INTS4: variants seen among roughly 807,000 people sequenced by gnomAD.
The protein encoded by INTS4 is integrator complex subunit 4, also known as MSTP093.
In INTS4, 70 loss-of-function variants were observed where a neutral mutation model predicts 119.5. That is an observed-to-expected ratio of 0.59 (90% CI 0.48 to 0.71). The LOEUF (loss-of-function observed/expected upper bound fraction) is 0.71. INTS4 is among the 30% of genes least tolerant of loss of function. The pLI is 0.00. For missense variants in INTS4, 867 were observed against 1,173.2 expected (o/e 0.74, Z 3.81); for synonymous variants, 316 against 419.6 (o/e 0.75, Z 3.02).
chr11:77,985,077 A>G (rs1289667316), intron 2 of INTS4, among the ~76,000 whole-genome samples: 1 of 152,050 alleles, frequency 6.6e-6, no homozygotes, highest in African/African-American at 2.4e-5. Context: ...AAACAGAATT[A>G]CCTCCAGGGA....
intron 8 of INTS4, among the ~76,000 whole-genome samples, chr11:77,944,798 G>A (rs1011926659): frequency 2.6e-5 from 4 of 152,094 alleles, no homozygotes; most frequent in African/African-American, 9.7e-5. Flanking sequence ...TTTCAGATTT[G>A]GGATGCCCAA....
Position 77,903,602 on chromosome 11 carries a change from A to G in INTS4, c.2035T>C (p.Trp679Arg). ...AAATACAAAGGGGCAGCTACATTCC[A>G]CAACTTTTCCTGCAAGGCCTACGCA... ...LLIKALQEKL[W>R]NVAAPLYLKQ... The change falls in exon 17 of 23, where the codon TGG becomes CGG. Residue 679 changes from tryptophan (W) to arginine (R), a missense_variant. Around this residue, in one of 5 missense-constraint regions of INTS4, gnomAD observed 262 missense variants for 376.0 expected, o/e 0.70. Coordinates refer to ENST00000534064, the MANE Select transcript of INTS4 (RefSeq NM_033547.4). 1 of 1,613,788 alleles carries G rather than the reference A, an allele frequency of 6.2e-7. No homozygotes were observed. Among genetic ancestry groups the G allele is most frequent in the East Asian group, 2.2e-5 (1 of 44,888 alleles).
At chr11:77,987,536 A>G (rs1350573520) in intron 2 of INTS4, 16 of 392,970 alleles carry the variant, frequency 4.1e-5, no homozygotes, top group Non-Finnish European at 8.2e-5. Context: ...AACGGAAAAT[A>G]GATCACTGAG....
intron 8 of INTS4, among the ~76,000 whole-genome samples, chr11:77,953,262 T>G (rs563103445): frequency 6.6e-6 from 1 of 152,068 alleles, no homozygotes; most frequent in Non-Finnish European, 1.5e-5. Flanking sequence ...AGGGGAAGTG[T>G]CCAAAAAGAA....
intron 16 of INTS4, among the ~76,000 whole-genome samples, chr11:77,903,882 A>T (rs1952858259): frequency 6.6e-6 from 1 of 152,176 alleles, no homozygotes; most frequent in Non-Finnish European, 1.5e-5. Flanking sequence ...GAAGCAGAGG[A>T]CAGGAACCAC....
At chr11:77,975,861 CAGG>C (rs1481067872) in intron 4 of INTS4, among the ~76,000 whole-genome samples, 2 of 151,758 alleles carry the variant, frequency 1.3e-5, no homozygotes, top group Admixed American at 1.3e-4. Flanking sequence ...GAGGCTGAGG[CAGG>C]AGAATTGCCT....
rs376088438 is a variant in INTS4 at position 77,963,872 on chromosome 11, A to G, written c.472-2734T>C. 2.5e-4 allele frequency among the ~76,000 whole-genome samples: 38 copies of G among 152,250 alleles called. No homozygotes were observed. In the East Asian group the frequency reaches 3.1e-3, roughly 12 times the overall value. On this transcript the variant is annotated intron_variant, in intron 4 of 22. Coordinates refer to ENST00000534064, the MANE Select transcript of INTS4 (RefSeq NM_033547.4). Reference sequence around the variant, plus strand: ...GCTAATTTTTAAAATTTTTGTAGAGATGGGATGTTGCCACATTGCCCAGAC... The same window carrying G: ...GCTAATTTTTAAAATTTTTGTAGAGGTGGGATGTTGCCACATTGCCCAGAC...
chr11:77,899,687 A>G, intron 18 of INTS4, among the ~76,000 whole-genome samples: 1 of 152,112 alleles, frequency 6.6e-6, no homozygotes, highest in Admixed American at 6.6e-5. Flanking sequence ...AAAAAAAAGA[A>G]AAATATAAAA....
chr11:77,878,231 A>T (rs553066289), downstream of INTS4, among the ~76,000 whole-genome samples: 1 of 152,036 alleles, frequency 6.6e-6, no homozygotes, highest in African/African-American at 2.4e-5. Flanking sequence ...GCGTGGTGAC[A>T]GGCGCCTGTA....
rs752219202 is a variant in INTS4 at position 77,928,351 on chromosome 11, A to T, written c.1362T>A (p.Ala454=). 5.6e-6 allele frequency: 9 copies of T among 1,613,014 alleles called. No individual in the cohort carries two copies. The South Asian group carries it at 9.9e-5, about 18-fold the overall frequency. Residue 454 remains alanine (A), a synonymous_variant, in exon 11 of 23, where the codon GCT becomes GCA. Transcript: ENST00000534064. ...LREDQLDTVL[A]VLEDSSRDIR... ...AATTAGAAACACTCACCTCTAGCAC[A>T]GCCAGGACAGTGTCAAGCTGATCTT...
intron 12 of INTS4, chr11:77,922,734 T>C (rs1953393863): frequency 4.6e-6 from 2 of 433,134 alleles, no homozygotes; most frequent in East Asian, 5.2e-5. Flanking sequence ...GAGAGAGCCC[T>C]GATTTTACTC....
At chr11:77,919,636 G>T (rs2511454) in intron 14 of INTS4, among the ~76,000 whole-genome samples, 58,337 of 152,052 alleles carry the variant, frequency 0.38, 11,345 homozygotes, top group African/African-American at 0.42. Context: ...GAAGAATAAT[G>T]ATTTATTCCC....
At chr11:77,975,121 T>A (rs1855893257) in intron 4 of INTS4, among the ~76,000 whole-genome samples, 1 of 152,194 alleles carries the variant, frequency 6.6e-6, no homozygotes, top group Admixed American at 6.5e-5. Flanking sequence ...ATTCCCTTCC[T>A]TCACATGCTT....
At chr11:77,943,819 A>G (rs607876) in intron 8 of INTS4, among the ~76,000 whole-genome samples, 88,314 of 152,030 alleles carry the variant, frequency 0.58, 25,899 homozygotes, top group African/African-American at 0.61. Flanking sequence ...TGCTTTAAGA[A>G]CAAAAACTGC....
intron 19 of INTS4, among the ~76,000 whole-genome samples, chr11:77,893,059 C>T (rs1411448057): frequency 2.6e-5 from 4 of 152,100 alleles, no homozygotes; most frequent in South Asian, 2.1e-4. Flanking sequence ...GGACAATGAG[C>T]GGAAGAAATG....
intron 16 of INTS4, among the ~76,000 whole-genome samples, chr11:77,907,346 T>C (rs1952981028): frequency 2.0e-5 from 3 of 152,200 alleles, no homozygotes; most frequent in African/African-American, 7.2e-5. Context: ...AGTGCTAAGA[T>C]TACAGGTGTG....
At chr11:77,943,188 G>A (rs1488440996) in intron 8 of INTS4, among the ~76,000 whole-genome samples, 1 of 152,004 alleles carries the variant, frequency 6.6e-6, no homozygotes, top group African/African-American at 2.4e-5. Flanking sequence ...TCAACTGCGC[G>A]CTCGTCCAAC....
rs375390545 is a variant in INTS4 at position 77,980,386 on chromosome 11, A to T, written c.364+1073T>A. Among the ~76,000 whole-genome samples the T allele has an allele frequency of 5.8e-3, 886 of 152,056 alleles. 9 individuals carry two copies. The highest frequency in any genetic ancestry group is 0.02 in the African/African-American group (838 of 41,464). ...GTGCTTGTATTTATTTTTTTATTTT[A>T]ATTTATTTTTTGAGACAGCGTCTCG... On this transcript the variant is annotated intron_variant, in intron 3 of 22. Coordinates refer to ENST00000534064, the MANE Select transcript of INTS4 (RefSeq NM_033547.4).
chr11:77,939,348 T>C lies in INTS4; in HGVS notation c.991-523A>G, dbSNP rs1953873649. ...AAAATTAGCTGGGCGTGGTGGCACA[T>C]GCCTGTAGTCCCAGCTACTCGGGAG... On this transcript the variant is annotated intron_variant, in intron 9 of 22. Transcript: ENST00000534064. Among the ~76,000 whole-genome samples, 3 of 152,224 alleles carry C rather than the reference T, an allele frequency of 2.0e-5. No individual in the cohort carries two copies. In the South Asian group the frequency reaches 6.2e-4, roughly 32 times the overall value.
Sources: allele counts gnomAD v4.1 joint callset (sites outside exome capture counted in the v4.1 genomes callset), GRCh38; gene constraint gnomAD v4.1.1; regional missense constraint gnomAD v4.1.1; transcripts MANE v1.5; gene names NCBI Gene and HGNC (gene_info 2026-07-23, HGNC 2026-07-21).